GAS2: variants seen among roughly 807,000 people sequenced by gnomAD.
GAS2 encodes the protein growth arrest specific 2.
In GAS2, 20 loss-of-function variants were observed where a neutral mutation model predicts 37.5. That is an observed-to-expected ratio of 0.53 (90% CI 0.37 to 0.77). The LOEUF (loss-of-function observed/expected upper bound fraction) is 0.77. Ranked by LOEUF, GAS2 falls within the 30% of genes least tolerant of loss-of-function variation. The probability of loss-of-function intolerance (pLI) is 0.00; values close to 1 mark genes in which losing one functional copy is unlikely to be tolerated. For missense variants in GAS2, 336 were observed against 373.4 expected, an observed-to-expected ratio of 0.90 and a Z score of 0.82; for synonymous variants, 144 against 132.2, an observed-to-expected ratio of 1.09 and a Z score of -0.61.
chr11:22,757,503 C>A (rs1854112424), intron 7 of GAS2, among the ~76,000 whole-genome samples: 1 of 152,088 alleles, frequency 6.6e-6, no homozygotes, highest in Non-Finnish European at 1.5e-5. Flanking sequence ...TTTCTTACTT[C>A]TAATGTTCCA....
In GAS2 at chr11:22,779,369, A is replaced by T. The variant is rs544751170; in HGVS notation, c.723+23416A>T. 3.9e-5 allele frequency among the ~76,000 whole-genome samples: 6 copies of T among 152,242 alleles called. No homozygotes were observed. In the East Asian group the frequency reaches 1.2e-3, roughly 29 times the overall value. On this transcript the variant is annotated intron_variant, in intron 7 of 7. Transcript: ENST00000454584. ...CATATTGGTCTTCCCTTCTTTCAAC[A>T]CAGTGTGTTGTTTCTTGTTCAAGGG...
chr11:22,812,171 A>G lies in GAS2; in HGVS notation c.*155A>G. On this transcript the variant is annotated 3_prime_UTR_variant, in exon 8 of 8. Coordinates refer to ENST00000454584, the MANE Select transcript of GAS2 (RefSeq NM_001143830.3). The stretch of plus-strand genomic sequence containing the variant: ...AAATGTTCAAAGAGTAGCACTATTT[A>G]TTTTTAATGCTTCTGTAGAATATGA... 1 of 606,382 alleles carries G rather than the reference A, an allele frequency of 1.6e-6. No homozygotes were observed. 37.6% of individuals were successfully genotyped at this position (606,382 alleles called of 1,614,324 possible). A position where few individuals can be genotyped will look rare whatever the true frequency, so the allele number is the denominator to read the frequency against.
intron 1 of GAS2, among the ~76,000 whole-genome samples, chr11:22,628,097 A>G (rs1382646830): frequency 1.3e-5 from 2 of 152,212 alleles, no homozygotes; most frequent in Non-Finnish European, 2.9e-5. Flanking sequence ...CATATTTCAG[A>G]TTAGTCTATT....
intron 7 of GAS2, among the ~76,000 whole-genome samples, chr11:22,765,247 CGTACAA>C (rs1202257840): frequency 6.6e-6 from 1 of 151,970 alleles, no homozygotes; most frequent in African/African-American, 2.4e-5. Context: ...CCTCCATACA[CGTACAA>C]AAAATATATA....
chr11:22,687,958 C>G (rs370406991), intron 3 of GAS2, among the ~76,000 whole-genome samples: 26 of 152,278 alleles, frequency 1.7e-4, no homozygotes, highest in African/African-American at 5.3e-4. Flanking sequence ...TAAAGATTAA[C>G]CAACTCTATT....
rs1564899444 is a variant in GAS2 at position 22,811,783 on chromosome 11, A to AT, written c.724-9dup. On this transcript the variant is annotated splice_polypyrimidine_tract_variant and intron_variant, in intron 7 of 7. Transcript: ENST00000454584. Reference sequence around the variant, plus strand: ...ATTCTCGGAATTTAACACTTTTGATATTTTTTCATTTCAGATGCTGCACAA... The same window carrying AT: ...ATTCTCGGAATTTAACACTTTTGATATTTTTTTCATTTCAGATGCTGCACAA... 11 of 1,612,128 alleles carry AT rather than the reference A, an allele frequency of 6.8e-6. No individual in the cohort carries two copies. The East Asian group carries it at 8.9e-5, about 13-fold the overall frequency.
chr11:22,764,271 A>G (rs1404048988), intron 7 of GAS2, among the ~76,000 whole-genome samples: 1 of 152,326 alleles, frequency 6.6e-6, no homozygotes, highest in East Asian at 1.9e-4. Flanking sequence ...TAAAAAAGCA[A>G]GAAAGACGGC....
chr11:22,752,860 C>A (rs775041309), intron 6 of GAS2, among the ~76,000 whole-genome samples: 1 of 151,922 alleles, frequency 6.6e-6, no homozygotes, highest in Non-Finnish European at 1.5e-5. Context: ...AAATAGGTGA[C>A]CCTTTATGTG....
At position 22,717,691 on chromosome 11, in the gene GAS2, C is replaced by T. The variant is rs184621826; in HGVS notation, c.268-8601C>T. 6.2e-4 allele frequency among the ~76,000 whole-genome samples: 94 copies of T among 152,068 alleles called. 1 individual carries two copies. In the East Asian group the frequency reaches 0.012, roughly 19 times the overall value. On this transcript the variant is annotated intron_variant, in intron 3 of 7. Coordinates refer to ENST00000454584, the MANE Select transcript of GAS2 (RefSeq NM_001143830.3). The stretch of plus-strand genomic sequence containing the variant: ...ATCACCAGAGTAAACAGACAACCCA[C>T]AGTATGAGAGAAATATTCACAAACT...
chr11:22,757,623 C>T (rs762574623), intron 7 of GAS2, among the ~76,000 whole-genome samples: 3 of 152,068 alleles, frequency 2.0e-5, no homozygotes, highest in Admixed American at 6.6e-5. Context: ...TCTTAACGAA[C>T]GTTAATCATT....
At chr11:22,655,898 T>A (rs567495826) in intron 1 of GAS2, among the ~76,000 whole-genome samples, 2 of 152,342 alleles carry the variant, frequency 1.3e-5, no homozygotes, top group African/African-American at 4.8e-5. Flanking sequence ...TATTAAATAG[T>A]TCTGAGGAAG....
At chr11:22,728,601 T>G (rs988411400) in intron 4 of GAS2, among the ~76,000 whole-genome samples, 4 of 151,604 alleles carry the variant, frequency 2.6e-5, no homozygotes, top group African/African-American at 9.7e-5. Context: ...TTAAAAATCT[T>G]TTGTAAACTT....
At chr11:22,637,130 TTAA>T (rs1363068944) in intron 1 of GAS2, among the ~76,000 whole-genome samples, 1 of 120,600 alleles carries the variant, frequency 8.3e-6, no homozygotes, top group South Asian at 2.4e-4. Context: ...ATTACTTATA[TTAA>T]TATTATATCA....
intron 1 of GAS2, among the ~76,000 whole-genome samples, chr11:22,661,118 T>G (rs927210340): frequency 3.3e-5 from 5 of 152,194 alleles, no homozygotes; most frequent in African/African-American, 1.2e-4. Context: ...AATATCTAAC[T>G]GCAAGAGAAT....
At chr11:22,697,143 A>T (rs560769914) in intron 3 of GAS2, among the ~76,000 whole-genome samples, 4 of 152,162 alleles carry the variant, frequency 2.6e-5, no homozygotes, top group Admixed American at 2.0e-4. Context: ...AAGGAATCCA[A>T]TTTTAGCTTT....
intron 4 of GAS2, among the ~76,000 whole-genome samples, chr11:22,732,828 A>G (rs1354716822): frequency 6.6e-6 from 1 of 151,330 alleles, no homozygotes; most frequent in African/African-American, 2.4e-5. Flanking sequence ...CACCATTGCT[A>G]TCCTTCACAT....
At chr11:22,672,388 G>C (rs1849239927) in intron 1 of GAS2, among the ~76,000 whole-genome samples, 1 of 152,146 alleles carries the variant, frequency 6.6e-6, no homozygotes, top group Admixed American at 6.6e-5. Context: ...AAACTTCACT[G>C]TTTAGAGGTT....
intron 1 of GAS2, among the ~76,000 whole-genome samples, chr11:22,654,329 T>G (rs955085960): frequency 1.3e-5 from 2 of 152,036 alleles, no homozygotes; most frequent in African/African-American, 2.4e-5. Context: ...TTGAAATTAT[T>G]TAAATAATTT....
intron 7 of GAS2, among the ~76,000 whole-genome samples, chr11:22,801,920 A>ACAGGTTTTC (rs1481347583): frequency 3.3e-5 from 5 of 152,114 alleles, no homozygotes; most frequent in Non-Finnish European, 7.4e-5. Flanking sequence ...ATTAAAACAC[A>ACAGGTTTTC]TAATTAAGCA....
Sources: allele counts gnomAD v4.1 joint callset (sites outside exome capture counted in the v4.1 genomes callset), GRCh38; gene constraint gnomAD v4.1.1; transcripts MANE v1.5; gene names NCBI Gene and HGNC (gene_info 2026-07-23, HGNC 2026-07-21).